The following DYM variants were observed in gnomAD, a reference collection of about 807,000 sequenced individuals.
The protein encoded by DYM is dymeclin, also known as dyggve-Melchior-Clausen syndrome protein.
DYM carries 78 observed loss-of-function variants against 93.1 expected under a neutral mutation model. The observed-to-expected ratio is 0.84, with a 90% confidence interval of 0.70 to 1.01. The LOEUF (loss-of-function observed/expected upper bound fraction) is 1.01. DYM is among the 50% of genes least tolerant of loss of function. DYM has a pLI of 0.00. For synonymous variants in DYM, 321 were observed against 319.7 expected (o/e 1.00, Z -0.04); for missense variants, 789 against 845.0 (o/e 0.93, Z 0.82).
chr18:49,195,119 A>C (rs2091323031), intron 14 of DYM, among the ~76,000 whole-genome samples: 1 of 151,932 alleles, frequency 6.6e-6, no homozygotes, highest in Non-Finnish European at 1.5e-5. Flanking sequence ...TTACTTTATG[A>C]TTTTTTTCAT....
At chr18:49,289,796 T>TATATATATACACACAC (rs2059989767) in intron 8 of DYM, among the ~76,000 whole-genome samples, 1 of 82,100 alleles carries the variant, frequency 1.2e-5, no homozygotes, top group Non-Finnish European at 2.3e-5. Flanking sequence ...TATACACACA[T>TATATATATACACACAC]ATATATATAT....
At chr18:49,058,085 A>G (rs2075652603) in intron 17 of DYM, among the ~76,000 whole-genome samples, 1 of 152,234 alleles carries the variant, frequency 6.6e-6, no homozygotes, top group Non-Finnish European at 1.5e-5. Context: ...AAAGGAGTCC[A>G]TCTTCTGCCT....
chr18:49,350,664 C>A (rs777360373), intron 6 of DYM, among the ~76,000 whole-genome samples: 1 of 150,008 alleles, frequency 6.7e-6, no homozygotes, highest in Non-Finnish European at 1.5e-5. Context: ...CAAGATCTCA[C>A]CATTGCACTC....
chr18:49,220,698 C>T (rs1434627475), intron 13 of DYM, among the ~76,000 whole-genome samples: 3 of 152,092 alleles, frequency 2.0e-5, no homozygotes, highest in Non-Finnish European at 4.4e-5. Flanking sequence ...AACTGGCTAG[C>T]CATATGGAGA....
chr18:49,276,354 T>A (rs1285373078), intron 10 of DYM, among the ~76,000 whole-genome samples: 1 of 151,970 alleles, frequency 6.6e-6, no homozygotes, highest in Non-Finnish European at 1.5e-5. Flanking sequence ...TTTTGCTCTG[T>A]TGATATGATG....
intron 13 of DYM, among the ~76,000 whole-genome samples, chr18:49,242,647 T>C (rs755138774): frequency 6.6e-6 from 1 of 152,178 alleles, no homozygotes; most frequent in Non-Finnish European, 1.5e-5. Context: ...TGTAGGTCAC[T>C]GAAAGGGAAG....
intron 16 of DYM, among the ~76,000 whole-genome samples, chr18:49,117,575 G>C (rs2082015648): frequency 6.6e-6 from 1 of 151,896 alleles, no homozygotes; most frequent in African/African-American, 2.4e-5. Context: ...TTATATTCTA[G>C]ATTCTAGACT....
chr18:49,460,191 G>T (rs918178014), intron 1 of DYM, among the ~76,000 whole-genome samples: 1 of 152,146 alleles, frequency 6.6e-6, no homozygotes, highest in Non-Finnish European at 1.5e-5. Flanking sequence ...TCCCAACAGC[G>T]GACTCGGACA....
intron 14 of DYM, among the ~76,000 whole-genome samples, chr18:49,201,101 A>G (rs976857863): frequency 1.3e-5 from 2 of 152,228 alleles, no homozygotes; most frequent in African/African-American, 4.8e-5. Flanking sequence ...AACTGATTAC[A>G]CAAAGCTTTT....
intron 14 of DYM, among the ~76,000 whole-genome samples, chr18:49,198,864 C>T (rs946759862): frequency 4.6e-5 from 7 of 151,716 alleles, no homozygotes; most frequent in Non-Finnish European, 8.8e-5. Context: ...TTGACCCAGC[C>T]ATCCCATTAC....
chr18:49,245,458 G>T (rs1233031648), intron 13 of DYM, among the ~76,000 whole-genome samples: 1 of 152,114 alleles, frequency 6.6e-6, no homozygotes, highest in African/African-American at 2.4e-5. Context: ...GCATTCCTGG[G>T]GGTAGGTATA....
intron 1 of DYM, among the ~76,000 whole-genome samples, chr18:49,443,168 C>T (rs139022300): frequency 2.6e-3 from 399 of 152,018 alleles, no homozygotes; most frequent in Non-Finnish European, 4.7e-3. Flanking sequence ...ATTTTTAAAT[C>T]GTTGAAAAAA....
At chr18:49,199,733 GAC>G (rs1230862333) in intron 14 of DYM, among the ~76,000 whole-genome samples, 2 of 152,134 alleles carry the variant, frequency 1.3e-5, no homozygotes, top group Non-Finnish European at 2.9e-5. Context: ...CATATTATAT[GAC>G]AAGACCATTC....
At chr18:49,291,802 A>T (rs2060130924) in intron 8 of DYM, among the ~76,000 whole-genome samples, 1 of 152,234 alleles carries the variant, frequency 6.6e-6, no homozygotes, top group East Asian at 1.9e-4. Flanking sequence ...ATAGTTGAAG[A>T]ACTTGAGACA....
chr18:49,272,927 T>G (rs1003137939), intron 10 of DYM, among the ~76,000 whole-genome samples: 8 of 152,094 alleles, frequency 5.3e-5, no homozygotes, highest in Non-Finnish European at 2.9e-5. Context: ...TTACTGAAAT[T>G]ATTTATTAAA....
intron 1 of DYM, among the ~76,000 whole-genome samples, chr18:49,438,721 TA>T (rs1303219527): frequency 1.3e-5 from 2 of 151,936 alleles, no homozygotes; most frequent in Non-Finnish European, 2.9e-5. Flanking sequence ...GCACCTGGAG[TA>T]TACAGGAGGA....
intron 15 of DYM, among the ~76,000 whole-genome samples, chr18:49,136,001 TG>T (rs1409960352): frequency 2.0e-5 from 3 of 152,244 alleles, no homozygotes; most frequent in Non-Finnish European, 4.4e-5. Context: ...GCCTACATTT[TG>T]TCCAAACAAC....
At chr18:49,375,290 T>C (rs777376011) in intron 5 of DYM, among the ~76,000 whole-genome samples, 6 of 150,302 alleles carry the variant, frequency 4.0e-5, no homozygotes, top group African/African-American at 5.0e-5. Context: ...TATATACACA[T>C]ATATATATGT....
At chr18:49,436,950 G>T (rs1446006893) in intron 1 of DYM, among the ~76,000 whole-genome samples, 1 of 152,098 alleles carries the variant, frequency 6.6e-6, no homozygotes, top group African/African-American at 2.4e-5. Flanking sequence ...CATGAATGCT[G>T]AATTTTCAAA....
Sources: gnomAD v4.1 joint callset for allele counts (sites outside exome capture counted in the v4.1 genomes callset) on GRCh38, gnomAD v4.1.1 for gene constraint, MANE v1.5 for transcripts, NCBI Gene and HGNC (gene_info 2026-07-23, HGNC 2026-07-21) for gene names.